The following LOXHD1 variants were observed in gnomAD, a reference collection of about 807,000 sequenced individuals.
LOXHD1 encodes lipoxygenase homology domain-containing protein 1.
LOXHD1 carries 205 observed loss-of-function variants against 248.2 expected under a neutral mutation model. The ratio of observed to expected loss-of-function variants is 0.83; its 90% CI spans 0.74 to 0.93. The LOEUF is 0.93. LOXHD1 is among the 40% of genes least tolerant of loss of function. The pLI is 0.00. For synonymous variants in LOXHD1, 1,113 were observed against 1,162.8 expected (o/e 0.96, Z 0.87); for missense variants, 2,930 against 2,971.6 (o/e 0.99, Z 0.33).
At chr18:46,532,849 C>T (rs527575163) in intron 28 of LOXHD1, among the ~76,000 whole-genome samples, 97 of 152,262 alleles carry the variant, frequency 6.4e-4, no homozygotes, top group African/African-American at 2.1e-3. Context: ...AAAACAGGGA[C>T]GAGGATAAAC....
chr18:46,598,337 C>T (rs2038288641), intron 8 of LOXHD1, among the ~76,000 whole-genome samples: 1 of 151,984 alleles, frequency 6.6e-6, no homozygotes, highest in Non-Finnish European at 1.5e-5. Context: ...AGAATGTCTA[C>T]CATAAACTTG....
chr18:46,549,881 T>C (rs1027290645), intron 21 of LOXHD1, among the ~76,000 whole-genome samples: 2 of 152,196 alleles, frequency 1.3e-5, no homozygotes, highest in Non-Finnish European at 2.9e-5. Context: ...ACATAAAATA[T>C]CACATCAAAT....
At chr18:46,651,123 T>C (rs1474675146) in intron 1 of LOXHD1, among the ~76,000 whole-genome samples, 2 of 152,170 alleles carry the variant, frequency 1.3e-5, no homozygotes, top group Non-Finnish European at 2.9e-5. Flanking sequence ...ATGCACACGA[T>C]CCACAGATAT....
At chr18:46,479,643 T>C (rs116988494) in intron 40 of LOXHD1, among the ~76,000 whole-genome samples, 1,820 of 152,078 alleles carry the variant, frequency 0.012, 13 homozygotes, top group Middle Eastern at 0.024. Flanking sequence ...ATTGCTAATA[T>C]GCTAACACCT....
At chr18:46,480,813 G>A (rs1042693514) in intron 40 of LOXHD1, among the ~76,000 whole-genome samples, 1 of 152,210 alleles carries the variant, frequency 6.6e-6, no homozygotes, top group Non-Finnish European at 1.5e-5. Context: ...CACCTCTGAT[G>A]GGCAGGGCTG....
intron 4 of LOXHD1, among the ~76,000 whole-genome samples, chr18:46,621,643 A>G (rs1246179940): frequency 1.3e-5 from 2 of 152,102 alleles, no homozygotes; most frequent in Non-Finnish European, 2.9e-5. Flanking sequence ...CATCACTTGG[A>G]TCTCGTAATC....
intron 25 of LOXHD1, 150 bp downstream of exon 25, chr18:46,541,626 A>AGTCAG: frequency 1.3e-6 from 1 of 763,570 alleles, no homozygotes; most frequent in Non-Finnish European, 2.1e-6. Flanking sequence ...GCCCCCACAG[A>AGTCAG]GTCAGAAAAT....
intron 2 of LOXHD1, among the ~76,000 whole-genome samples, chr18:46,648,299 CA>C (rs755718538): frequency 4.0e-5 from 6 of 151,096 alleles, no homozygotes; most frequent in African/African-American, 1.2e-4. Context: ...AACAATCAAA[CA>C]AAAAAAAACG....
At chr18:46,610,735 T>C in intron 6 of LOXHD1, 41 bp downstream of exon 6, 1 of 1,512,178 alleles carries the variant, frequency 6.6e-7, no homozygotes. Context: ...AAGGCCCCCC[T>C]TCCAAGGCCA....
At chr18:46,594,302 C>A in intron 9 of LOXHD1, 29 bp downstream of exon 9, 1 of 1,551,086 alleles carries the variant, frequency 6.4e-7, no homozygotes, top group Non-Finnish European at 8.7e-7. Flanking sequence ...GGCTGAGAGG[C>A]CTCCAGGTTC....
intron 37 of LOXHD1, among the ~76,000 whole-genome samples, chr18:46,497,752 T>C (rs114481572): frequency 6.6e-6 from 1 of 152,292 alleles, no homozygotes; most frequent in African/African-American, 2.4e-5. Flanking sequence ...GAGCTAATGC[T>C]CAAGTAAAAG....
chr18:46,567,506 T>C (rs966526179), intron 16 of LOXHD1, among the ~76,000 whole-genome samples: 5 of 152,208 alleles, frequency 3.3e-5, no homozygotes, highest in African/African-American at 4.8e-5. Flanking sequence ...AGAGTTTTGT[T>C]GTTCTTCTGT....
Position 46,569,542 on chromosome 18 carries a change from G to T in LOXHD1, c.2144C>A (p.Thr715Asn). 1 of 1,551,926 alleles carries T rather than the reference G, an allele frequency of 6.4e-7. No individual in the cohort carries two copies. The highest frequency in any genetic ancestry group is 8.7e-7 in the Non-Finnish European group (1 of 1,147,028). ...AGAGACAAGAAGAACTTGCTTGATG[G>T]TGTCAGATTTATCCCCATAGAGCTT... ...YIKLYGDKSD[T>N]IKQVLLVSDN... The change falls in exon 16 of 41, where the codon ACC (threonine) becomes AAC (asparagine). Residue 715 changes from threonine to asparagine, a missense_variant. Thr to Asn is a moderately conservative substitution (Grantham distance 65). Coordinates refer to ENST00000642948, the MANE Select transcript of LOXHD1 (RefSeq NM_001384474.1).
intron 20 of LOXHD1, chr18:46,559,172 AGTGCCTC>A: frequency 7.0e-7 from 1 of 1,425,298 alleles, no homozygotes; most frequent in Non-Finnish European, 9.3e-7. Flanking sequence ...ATCCCTACCA[AGTGCCTC>A]AGCATCTGCC....
chr18:46,603,934 G>A (rs1167663914), intron 7 of LOXHD1, among the ~76,000 whole-genome samples, 172 bp downstream of exon 7: 2 of 152,202 alleles, frequency 1.3e-5, no homozygotes, highest in African/African-American at 2.4e-5. Flanking sequence ...CAACAACAGA[G>A]CCCCAGGCTG....
At chr18:46,478,830 C>A (rs776848168) in intron 40 of LOXHD1, among the ~76,000 whole-genome samples, 3 of 152,142 alleles carry the variant, frequency 2.0e-5, no homozygotes, top group Non-Finnish European at 2.9e-5. Flanking sequence ...GAAGCTGGAA[C>A]TATGAGCATG....
At chr18:46,604,707 ACAT>A (rs2038387399) in intron 6 of LOXHD1, among the ~76,000 whole-genome samples, 1 of 152,170 alleles carries the variant, frequency 6.6e-6, no homozygotes, top group Non-Finnish European at 1.5e-5. Flanking sequence ...AGGTCAGAAA[ACAT>A]CAGCCACCAA....
At chr18:46,566,873 T>C (rs16978577) in intron 16 of LOXHD1, among the ~76,000 whole-genome samples, 12,719 of 152,298 alleles carry the variant, frequency 0.084, 631 homozygotes, top group African/African-American at 0.13. Flanking sequence ...GTTGTATATA[T>C]TTCTGCATTT....
chr18:46,488,456 G>A (rs1286404420), intron 38 of LOXHD1, among the ~76,000 whole-genome samples: 2 of 152,126 alleles, frequency 1.3e-5, no homozygotes, highest in Non-Finnish European at 2.9e-5. Context: ...CCAATCTGTT[G>A]GGCCCAGACC....
Sources: gnomAD v4.1 joint callset for allele counts (sites outside exome capture counted in the v4.1 genomes callset) on GRCh38, gnomAD v4.1.1 for gene constraint, MANE v1.5 for transcripts, NCBI Gene and HGNC (gene_info 2026-07-23, HGNC 2026-07-21) for gene names.